NUP37: variants seen among roughly 807,000 people sequenced by gnomAD.
NUP37 encodes the protein nucleoporin Nup37.
Under a neutral mutation model 45.4 loss-of-function variants are expected in NUP37, and 33 were observed. The observed-to-expected ratio is 0.73, with a 90% confidence interval of 0.55 to 0.97. The LOEUF is 0.97. Ranked by LOEUF, NUP37 falls within the 50% of genes least tolerant of loss-of-function variation. NUP37 has a pLI of 0.00. For missense variants in NUP37, 365 were observed against 389.7 expected, an observed-to-expected ratio of 0.94 and a Z score of 0.53; for synonymous variants, 127 against 130.7, an observed-to-expected ratio of 0.97 and a Z score of 0.19.
At chr12:102,074,572 C>T (rs1266309036) in intron 9 of NUP37, 105 bp from the exon 10 acceptor site, 1 of 693,174 alleles carries the variant, frequency 1.4e-6, no homozygotes, top group African/African-American at 1.8e-5. Flanking sequence ...ATCTTTGTAG[C>T]ATAAACAAAA....
intron 5 of NUP37, among the ~76,000 whole-genome samples, chr12:102,089,954 C>G (rs377500463): frequency 2.6e-5 from 4 of 152,106 alleles, no homozygotes; most frequent in African/African-American, 9.7e-5. Flanking sequence ...TACCCACATA[C>G]GATCACATAC....
At chr12:102,106,105 A>G (rs1318306028) in intron 3 of NUP37, among the ~76,000 whole-genome samples, 2 of 152,158 alleles carry the variant, frequency 1.3e-5, no homozygotes, top group Non-Finnish European at 2.9e-5. Flanking sequence ...CAAGGCAAAG[A>G]AAGTCAAGGA....
chr12:102,103,386 T>C (rs918862503), intron 3 of NUP37, among the ~76,000 whole-genome samples: 3 of 152,182 alleles, frequency 2.0e-5, no homozygotes, highest in African/African-American at 7.2e-5. Flanking sequence ...CTTTTTCAGA[T>C]AGTTCATTGT....
At chr12:102,077,569 C>T in intron 6 of NUP37, 66 bp from the exon 7 acceptor site, 1 of 1,393,006 alleles carries the variant, frequency 7.2e-7, no homozygotes, top group Non-Finnish European at 9.9e-7. Flanking sequence ...GAAGTGTAAG[C>T]AGAGATTCAC....
rs527704934 is a variant in NUP37 at position 102,078,240 on chromosome 12, T to G, written c.541-737A>C. On this transcript the variant is annotated intron_variant, in intron 6 of 9. Transcript: ENST00000552283. Reference sequence around the variant, plus strand: ...GCTACTCGGGAGGCTGAGGCAGAACTGCTTGAATCCGAGAGGCAGAGGTTG... The same window carrying G: ...GCTACTCGGGAGGCTGAGGCAGAACGGCTTGAATCCGAGAGGCAGAGGTTG... Among the ~76,000 whole-genome samples the G allele has an allele frequency of 2.6e-4, 39 of 151,650 alleles. No individual in the cohort carries two copies. The South Asian group carries it at 7.5e-3, about 29-fold the overall frequency.
intron 1 of NUP37, chr12:102,118,890 T>C (rs1326091783): frequency 5.6e-6 from 1 of 179,734 alleles, no homozygotes; most frequent in Non-Finnish European, 1.2e-5. Flanking sequence ...CAAATGTTAA[T>C]AAAAATTAAT....
chr12:102,099,705 T>C (rs942311437), intron 4 of NUP37, among the ~76,000 whole-genome samples: 1 of 152,210 alleles, frequency 6.6e-6, no homozygotes, highest in Non-Finnish European at 1.5e-5. Context: ...TGAAGACAGC[T>C]AGTTGTTATA....
chr12:102,074,947 A>G (rs959079367), intron 9 of NUP37, 54 bp downstream of exon 9: 1 of 1,202,756 alleles, frequency 8.3e-7, no homozygotes, highest in South Asian at 1.7e-5. Context: ...AAAAGTCAAA[A>G]ACACAAATTA....
rs550840052 is a variant in NUP37, at chr12:102,075,399, C to T, written c.774-305G>A. 5.9e-5 allele frequency among the ~76,000 whole-genome samples: 9 copies of T among 152,102 alleles called. No homozygotes were observed. In the South Asian group the frequency reaches 1.0e-3, roughly 18 times the overall value. On this transcript the variant is annotated intron_variant, in intron 8 of 9. Coordinates refer to ENST00000552283, the MANE Select transcript of NUP37 (RefSeq NM_024057.4). The stretch of plus-strand genomic sequence containing the variant: ...GTCTTGCTATCTTGCCCAGGCAGGT[C>T]TCAAACTCCTGGCCTCAAGTGATCC...
Position 102,085,789 on chromosome 12 carries a change from A to C in NUP37, c.517T>G (p.Trp173Gly). 1 of 1,588,666 alleles carries C rather than the reference A, an allele frequency of 6.3e-7. No homozygotes were observed. Among genetic ancestry groups the C allele is most frequent in the Non-Finnish European group, 8.6e-7 (1 of 1,159,522 alleles). ...ACCTTAAAAGTCTCCTCAGGATGCC[A>C]GCACACACTCATGCCAGGAGAATGA... ...VLHSPGMSVC[W>G]HPEETFKLMV... Residue 173 changes from tryptophan (W) to glycine (G), a missense_variant, in exon 6 of 10, where the codon TGG becomes GGG. Trp to Gly is a radical substitution (Grantham distance 184, BLOSUM62 -2). Transcript: ENST00000552283.
At chr12:102,077,008 A>G in intron 7 of NUP37, 161 bp from the exon 8 acceptor site, 3 of 629,298 alleles carry the variant, frequency 4.8e-6, no homozygotes, top group Non-Finnish European at 8.3e-6. Context: ...GAAATACAAT[A>G]AAGACATGAC....
intron 5 of NUP37, among the ~76,000 whole-genome samples, chr12:102,095,363 T>G (rs1387334335): frequency 1.3e-5 from 2 of 152,146 alleles, no homozygotes; most frequent in Non-Finnish European, 1.5e-5. Context: ...TATATTTTTC[T>G]GTGCATATGC....
In NUP37 at chr12:102,074,280, A is replaced by G. The variant is rs1431407677; in HGVS notation, c.*74T>C. 4 of 837,666 alleles carry G rather than the reference A, an allele frequency of 4.8e-6. No individual in the cohort carries two copies. Among genetic ancestry groups the G allele is most frequent in the Non-Finnish European group, 7.6e-6 (4 of 526,086 alleles). The allele number at this position is 837,666 out of a possible 1,614,324, so 51.9% of individuals were successfully genotyped here. A position where few individuals can be genotyped will look rare whatever the true frequency, so the allele number is the denominator to read the frequency against. ...ATATTTGATATAAAAATTCTTCAAA[A>G]TATGTACTATAGAAATTCTTCAAAA... On this transcript the variant is annotated 3_prime_UTR_variant, in exon 10 of 10. Transcript: ENST00000552283.
intron 7 of NUP37, 166 bp downstream of exon 7, chr12:102,077,156 A>G: frequency 1.4e-6 from 1 of 695,972 alleles, no homozygotes; most frequent in South Asian, 1.8e-5. Context: ...AAATCTGCAT[A>G]GCAAGTTTAT....
intron 3 of NUP37, among the ~76,000 whole-genome samples, chr12:102,105,219 T>G (rs2136746451): frequency 6.6e-6 from 1 of 152,294 alleles, no homozygotes; most frequent in Middle Eastern, 3.4e-3. Context: ...CTCTATATAT[T>G]TATACATTGC....
intron 1 of NUP37, among the ~76,000 whole-genome samples, 197 bp from the exon 2 acceptor site, chr12:102,118,780 T>G (rs573164869): frequency 6.6e-6 from 1 of 152,356 alleles, no homozygotes; most frequent in Admixed American, 6.5e-5. Flanking sequence ...CACAGCTCTT[T>G]CCCATATCTG....
intron 5 of NUP37, among the ~76,000 whole-genome samples, chr12:102,094,667 T>C (rs557296788): frequency 6.6e-6 from 1 of 152,276 alleles, no homozygotes; most frequent in Admixed American, 6.5e-5. Flanking sequence ...ACAACTATAT[T>C]ACTGGCTTAG....
At chr12:102,081,861 T>C (rs1879341042) in intron 6 of NUP37, among the ~76,000 whole-genome samples, 1 of 152,010 alleles carries the variant, frequency 6.6e-6, no homozygotes, top group Non-Finnish European at 1.5e-5. Context: ...TGGCTAATGT[T>C]TGCATTTTTA....
At chr12:102,094,380 G>A (rs1879743156) in intron 5 of NUP37, among the ~76,000 whole-genome samples, 1 of 152,010 alleles carries the variant, frequency 6.6e-6, no homozygotes, top group African/African-American at 2.4e-5. Flanking sequence ...TGCACTCCCA[G>A]ACGTGGATTA....
Sources: allele counts gnomAD v4.1 joint callset (sites outside exome capture counted in the v4.1 genomes callset), GRCh38; gene constraint gnomAD v4.1.1; transcripts MANE v1.5; gene names NCBI Gene and HGNC (gene_info 2026-07-23, HGNC 2026-07-21).